The following NEO1 variants were observed in gnomAD, a reference collection of about 807,000 sequenced individuals.
NEO1 encodes neogenin 1.
In NEO1, 63 loss-of-function variants were observed where a neutral mutation model predicts 159.7. That is an observed-to-expected ratio of 0.39 (90% CI 0.32 to 0.49). The LOEUF (loss-of-function observed/expected upper bound fraction) is 0.49. Ranked by LOEUF, NEO1 falls within the 20% of genes least tolerant of loss-of-function variation. The pLI, the probability that NEO1 is intolerant of heterozygous loss-of-function variation, is 0.85. For missense variants in NEO1, 1,615 were observed against 1,831.0 expected, an observed-to-expected ratio of 0.88 and a Z score of 2.15; for synonymous variants, 633 against 662.0, an observed-to-expected ratio of 0.96 and a Z score of 0.67.
At chr15:73,134,912 G>C (rs142912267) in intron 4 of NEO1, among the ~76,000 whole-genome samples, 4 of 152,106 alleles carry the variant, frequency 2.6e-5, no homozygotes, top group Admixed American at 6.6e-5. Context: ...TTAAGATTTG[G>C]AAGAAAAGTC....
chr15:73,196,103 T>C lies in NEO1; in HGVS notation c.1291+17676T>C, dbSNP rs544153005. On this transcript the variant is annotated intron_variant, in intron 7 of 28. Coordinates refer to ENST00000261908, the MANE Select transcript of NEO1 (RefSeq NM_002499.4). The stretch of plus-strand genomic sequence containing the variant: ...TTTCCTCTGGGATGTGGGAATCACA[T>C]TGAGGAGACAGCATTTGGTTTAGGA... Among the ~76,000 whole-genome samples, 6 of 152,320 alleles carry C rather than the reference T, an allele frequency of 3.9e-5. No individual in the cohort carries two copies. In the South Asian group the frequency reaches 1.0e-3, roughly 26 times the overall value.
chr15:73,082,910 G>A lies in NEO1; in HGVS notation c.130+30105G>A, dbSNP rs2069145582. 2.0e-5 allele frequency among the ~76,000 whole-genome samples: 3 copies of A among 152,166 alleles called. No individual in the cohort carries two copies. The South Asian group carries it at 6.2e-4, about 32-fold the overall frequency. On this transcript the variant is annotated intron_variant, in intron 1 of 28. Coordinates refer to ENST00000261908, the MANE Select transcript of NEO1 (RefSeq NM_002499.4). ...GCTTCCCTAAGGAAGTGACGTTTCA[G>A]CTGAGATCTGACAGATACAGACCCT...
Position 73,077,785 on chromosome 15 carries a change from A to G in NEO1, c.130+24980A>G, listed in dbSNP as rs117168972. Among the ~76,000 whole-genome samples the G allele has an allele frequency of 2.4e-4, 36 of 152,324 alleles. No individual in the cohort carries two copies. In the East Asian group the frequency reaches 6.9e-3, roughly 29 times the overall value. On this transcript the variant is annotated intron_variant, in intron 1 of 28. Coordinates refer to ENST00000261908, the MANE Select transcript of NEO1 (RefSeq NM_002499.4). ...AATACTGCTGAGGAGAAGGTGATAT[A>G]TGCTGTAAAAGGGGTGCAGAGTGCT...
intron 9 of NEO1, among the ~76,000 whole-genome samples, chr15:73,244,986 A>G (rs998357718): frequency 4.7e-5 from 7 of 147,958 alleles, no homozygotes; most frequent in Non-Finnish European, 1.0e-4. Context: ...AAAAAAAACA[A>G]CAGCAAATAG....
intron 25 of NEO1, 90 bp from the exon 26 acceptor site, chr15:73,293,300 T>C: frequency 6.7e-7 from 1 of 1,491,846 alleles, no homozygotes; most frequent in Non-Finnish European, 9.2e-7. Flanking sequence ...GTATGGGAGG[T>C]GGGAAGGGGG....
intron 7 of NEO1, among the ~76,000 whole-genome samples, chr15:73,184,860 G>A (rs924371569): frequency 2.6e-5 from 4 of 152,222 alleles, no homozygotes; most frequent in Non-Finnish European, 4.4e-5. Flanking sequence ...CCCGGGAGGC[G>A]AAGGTTGCAG....
intron 5 of NEO1, among the ~76,000 whole-genome samples, chr15:73,147,131 C>T (rs2032966478): frequency 6.6e-6 from 1 of 152,100 alleles, no homozygotes; most frequent in East Asian, 1.9e-4. Flanking sequence ...CTCATTCTTC[C>T]TATTTGTAAA....
At chr15:73,214,767 T>G (rs2037781476) in intron 7 of NEO1, among the ~76,000 whole-genome samples, 2 of 152,154 alleles carry the variant, frequency 1.3e-5, no homozygotes, top group Admixed American at 1.3e-4. Context: ...CTTTTTTGTT[T>G]GTTTGTTTCA....
intron 28 of NEO1, 54 bp downstream of exon 28, chr15:73,301,511 G>T (rs2042613155): frequency 6.2e-7 from 1 of 1,610,238 alleles, no homozygotes. Context: ...ATGCCCCAGG[G>T]CCTGAGACTG....
chr15:73,178,411 G>A lies in NEO1; in HGVS notation c.1275G>A (p.Leu425=). ...DVGNAQAGAQ[L]IILEHAPATT... is the part of the protein sequence containing the mutation. ...GAAATGCACAAGCTGGAGCCCAACT[G>A]ATAATCCTTGAACATGGTAAGAAGG... Residue 425 remains leucine, a synonymous_variant, in exon 7 of 29, where the codon CTG becomes CTA. Coordinates refer to ENST00000261908, the MANE Select transcript of NEO1 (RefSeq NM_002499.4). The A allele has an allele frequency of 6.2e-7, 1 of 1,613,730 alleles. No homozygotes were observed. Among genetic ancestry groups the A allele is most frequent in the South Asian group, 1.1e-5 (1 of 91,046 alleles).
intron 1 of NEO1, among the ~76,000 whole-genome samples, chr15:73,096,020 A>T (rs1365746550): frequency 2.0e-5 from 3 of 152,192 alleles, no homozygotes; most frequent in South Asian, 4.2e-4. Flanking sequence ...TAAAATATTG[A>T]TGCTTACGAA....
intron 16 of NEO1, among the ~76,000 whole-genome samples, chr15:73,267,088 C>A (rs939548574): frequency 6.6e-6 from 1 of 152,176 alleles, no homozygotes; most frequent in Non-Finnish European, 1.5e-5. Context: ...GAAACCCTAT[C>A]TCTACTAAAA....
intron 5 of NEO1, among the ~76,000 whole-genome samples, chr15:73,170,220 T>C (rs1320261909): frequency 6.6e-6 from 1 of 152,198 alleles, no homozygotes; most frequent in Non-Finnish European, 1.5e-5. Context: ...TCTTTGGTTG[T>C]TTTCTTTTAT....
chr15:73,151,301 T>A (rs1247648322), intron 5 of NEO1, among the ~76,000 whole-genome samples: 1 of 152,232 alleles, frequency 6.6e-6, no homozygotes, highest in Non-Finnish European at 1.5e-5. Context: ...TGGTACATGT[T>A]ATAGACATAT....
intron 16 of NEO1, 49 bp from the exon 17 acceptor site, chr15:73,269,961 T>G (rs544220294): frequency 1.4e-6 from 2 of 1,415,848 alleles, no homozygotes; most frequent in Middle Eastern, 2.1e-4. Flanking sequence ...TATTTTATTT[T>G]TGTTTACATT....
At chr15:73,119,210 T>A (rs940312288) in intron 2 of NEO1, among the ~76,000 whole-genome samples, 1 of 152,226 alleles carries the variant, frequency 6.6e-6, no homozygotes, top group African/African-American at 2.4e-5. Flanking sequence ...TACACAACTT[T>A]GTTCATATAC....
chr15:73,116,974 AAC>A, intron 2 of NEO1, 117 bp downstream of exon 2: 1 of 795,918 alleles, frequency 1.3e-6, no homozygotes. Context: ...ATACTCATTT[AAC>A]AGATATCAAT....
intron 16 of NEO1, among the ~76,000 whole-genome samples, chr15:73,269,683 G>A (rs1439572497): frequency 6.6e-6 from 1 of 152,164 alleles, no homozygotes; most frequent in African/African-American, 2.4e-5. Flanking sequence ...TGAACAGGAA[G>A]TAGAATTTTC....
chr15:73,174,132 C>A, intron 5 of NEO1, among the ~76,000 whole-genome samples: 1 of 151,552 alleles, frequency 6.6e-6, no homozygotes, highest in East Asian at 1.9e-4. Context: ...CTATTAAAAT[C>A]TACTTACTAA....
Sources: allele counts gnomAD v4.1 joint callset (sites outside exome capture counted in the v4.1 genomes callset), GRCh38; gene constraint gnomAD v4.1.1; transcripts MANE v1.5; gene names NCBI Gene and HGNC (gene_info 2026-07-23, HGNC 2026-07-21).